Variants in HLA-DQB1 observed in about 807,000 individuals in gnomAD.
The protein encoded by HLA-DQB1 is HLA class II histocompatibility antigen, DQ beta 1 chain.
In HLA-DQB1, 13 loss-of-function variants were observed where a neutral mutation model predicts 26.4. That is an observed-to-expected ratio of 0.49 (90% CI 0.32 to 0.78). The LOEUF is 0.78. Among genes scored for constraint, HLA-DQB1 ranks in the 30% least tolerant of loss-of-function variants. HLA-DQB1 has a pLI of 0.03. For missense variants in HLA-DQB1, 158 were observed against 326.2 expected, an observed-to-expected ratio of 0.48 and a Z score of 3.97; for synonymous variants, 60 against 129.1, an observed-to-expected ratio of 0.46 and a Z score of 3.63.
Position 32,660,152 on chromosome 6 carries a change from C to T in HLA-DQB1, c.*84G>A, listed in dbSNP as rs1782843736. ...CTTTGATCTCAGGGGGACAAGCTGA[C>T]ACAGGCAGCTGGGAATTCTGGGCAG... On this transcript the variant is annotated 3_prime_UTR_variant, in exon 5 of 5. Coordinates refer to ENST00000434651, the Ensembl canonical transcript of HLA-DQB1. 9.2e-6 allele frequency: 6 copies of T among 653,634 alleles called. 2 individuals carry two copies. The highest frequency in any genetic ancestry group is 9.9e-6 in the Non-Finnish European group (4 of 404,586). The allele number at this position is 653,634 out of a possible 1,614,324, so 40.5% of individuals were successfully genotyped here.
At chr6:32,661,065 G>A (rs1782934454) in intron 4 of HLA-DQB1, among the ~76,000 whole-genome samples, 1 of 142,286 alleles carries the variant, frequency 7.0e-6, no homozygotes, top group African/African-American at 2.5e-5. Flanking sequence ...AAGAAAGGAA[G>A]CTGAGGCTCT....
chr6:32,666,411 T>C (rs67955939), intron 1 of HLA-DQB1, 88 bp downstream of exon 1: 107,664 of 473,686 alleles, frequency 0.23, 17,087 homozygotes, highest in South Asian at 0.28. Context: ...GTGTCCAAGA[T>C]CATAGAGATC....
intron 1 of HLA-DQB1, among the ~76,000 whole-genome samples, chr6:32,665,888 C>T (rs9274472): frequency 0.71 from 84,989 of 120,314 alleles, 32,714 homozygotes; most frequent in East Asian, 0.89. Context: ...CATCCTCCTT[C>T]CTACTAAATT....
chr6:32,661,763 G>T, intron 3 of HLA-DQB1: 1 of 531,800 alleles, frequency 1.9e-6, no homozygotes, highest in Non-Finnish European at 3.2e-6. Flanking sequence ...CAGAGCAACA[G>T]TATGTAGAGT....
chr6:32,662,598 C>A (rs9274173), intron 2 of HLA-DQB1: 40,810 of 59,874 alleles, frequency 0.68, 17,016 homozygotes, highest in Middle Eastern at 0.86. Context: ...AACAAATAAC[C>A]CTTGATCAAA....
chr6:32,663,414 C>CTA (rs9282142), intron 2 of HLA-DQB1: 1 of 131,982 alleles, frequency 7.6e-6, no homozygotes, highest in Non-Finnish European at 1.7e-5. Flanking sequence ...TTTTCAATGC[C>CTA]GCATTAACAC....
At chr6:32,665,256 CT>C (rs1783881442) in intron 1 of HLA-DQB1, among the ~76,000 whole-genome samples, 189 bp from the exon 2 acceptor site, 1 of 132,816 alleles carries the variant, frequency 7.5e-6, no homozygotes, top group Non-Finnish European at 1.6e-5. Flanking sequence ...TTGCGGGCTT[CT>C]GGAATCTGCC....
In HLA-DQB1 at chr6:32,665,314, T is replaced by A. The variant is rs67613268; in HGVS notation, c.110-247A>T. ...GGAAAGCCCTGTCCCTGCCTGAGCC[T>A]GTGAACCCAGCGAAGAGGCAGTCGG... On this transcript the variant is annotated intron_variant, in intron 1 of 4. Coordinates refer to ENST00000434651, the Ensembl canonical transcript of HLA-DQB1. 0.22 allele frequency among the ~76,000 whole-genome samples: 29,225 copies of A among 134,456 alleles called. 3,877 individuals carry two copies. Among genetic ancestry groups the A allele is most frequent in the South Asian group, 0.42 (1,758 of 4,156 alleles). The allele number at this position is 134,456 out of a possible 152,430, so 88.2% of individuals were successfully genotyped here. A position where few individuals can be genotyped will look rare whatever the true frequency, so the allele number is the denominator to read the frequency against.
At chr6:32,663,758 G>A (rs905766028) in intron 2 of HLA-DQB1, 2 of 85,980 alleles carry the variant, frequency 2.3e-5, no homozygotes, top group Non-Finnish European at 4.8e-5. Context: ...GTTTATTCCT[G>A]AAGTGGATAG....
intron 3 of HLA-DQB1, chr6:32,661,748 G>T (rs9273813): frequency 2.0e-6 from 1 of 491,374 alleles, no homozygotes. Flanking sequence ...ATCAGGACTG[G>T]GATTCAGAGC....
chr6:32,661,260 G>A (rs9273572), intron 4 of HLA-DQB1, 87 bp downstream of exon 4: 4 of 580,874 alleles, frequency 6.9e-6, no homozygotes, highest in Non-Finnish European at 1.1e-5. Context: ...AGGGTCAGGA[G>A]GAAAGAGCTA....
chr6:32,664,174 C>T lies in HLA-DQB1; in HGVS notation c.379+624G>A, dbSNP rs281862565. ...TCACACCACATACCAGTCAATGTGT[C>T]AGGTACCAGGCATGCAATAATTAAA... On this transcript the variant is annotated intron_variant, in intron 2 of 4. Coordinates refer to ENST00000434651, the Ensembl canonical transcript of HLA-DQB1. 2 of 73,062 alleles carry T rather than the reference C, an allele frequency of 2.7e-5. 1 individual carries two copies. Among genetic ancestry groups the T allele is most frequent in the Non-Finnish European group, 5.9e-5 (2 of 33,836 alleles). The allele number at this position is 73,062 out of a possible 1,614,324, so 4.5% of individuals were successfully genotyped here. A position where few individuals can be genotyped will look rare whatever the true frequency, so the allele number is the denominator to read the frequency against.
Position 32,665,618 on chromosome 6 carries a change from C to A in HLA-DQB1, c.110-551G>T. ...CTTCTATGTTGGAAAGGACCTACACCTCTGAGTCCTAGATAGAGACATTTA... is the reference window on the plus strand; with the variant it reads ...CTTCTATGTTGGAAAGGACCTACACATCTGAGTCCTAGATAGAGACATTTA... On this transcript the variant is annotated intron_variant, in intron 1 of 4. Coordinates refer to ENST00000434651, the Ensembl canonical transcript of HLA-DQB1. Among the ~76,000 whole-genome samples, 2 of 142,984 alleles carry A rather than the reference C, an allele frequency of 1.4e-5. 1 individual carries two copies. The highest frequency in any genetic ancestry group is 3.1e-5 in the Non-Finnish European group (2 of 65,256). The allele number at this position is 142,984 out of a possible 152,430, so 93.8% of individuals were successfully genotyped here. A position where few individuals can be genotyped will look rare whatever the true frequency, so the allele number is the denominator to read the frequency against.
At chr6:32,662,035 T>C in exon 3 of HLA-DQB1, 1 of 1,494,180 alleles carries the variant, frequency 6.7e-7, no homozygotes, top group Non-Finnish European at 9.2e-7. Flanking sequence ...ATCTCCACGC[T>C]GGGGAGTCAT....
chr6:32,666,568 G>A, exon 1 of HLA-DQB1: 1 of 1,196,448 alleles, frequency 8.4e-7, no homozygotes. Flanking sequence ...GTTGCTACCC[G>A]AAGGTCTCCG....
exon 5 of HLA-DQB1, chr6:32,660,174 G>T: frequency 2.7e-6 from 2 of 745,092 alleles, no homozygotes; most frequent in Non-Finnish European, 4.1e-6. Flanking sequence ...GGAATTCTGG[G>T]CAGGCATAAG....
chr6:32,661,470 A>AGC lies in HLA-DQB1; in HGVS notation c.662-14_662-13insGC. 5 of 858,144 alleles carry AGC rather than the reference A, an allele frequency of 5.8e-6. 1 individual carries two copies. Among genetic ancestry groups the AGC allele is most frequent in the Non-Finnish European group, 8.3e-6 (5 of 605,508 alleles). The allele number at this position is 858,144 out of a possible 1,614,324, so 53.2% of individuals were successfully genotyped here. A position where few individuals can be genotyped will look rare whatever the true frequency, so the allele number is the denominator to read the frequency against. On this transcript the variant is annotated splice_polypyrimidine_tract_variant and intron_variant, in intron 3 of 4. Coordinates refer to ENST00000434651, the Ensembl canonical transcript of HLA-DQB1. ...TCAGACTGAGCCCCTAAAGAGCAGA[A>AGC]CTGAGTGTCTGTGTTTGTCCCCACA...
At chr6:32,664,740 C>A in intron 2 of HLA-DQB1, 58 bp downstream of exon 2, 1 of 648,694 alleles carries the variant, frequency 1.5e-6, no homozygotes, top group Non-Finnish European at 2.2e-6. Context: ...CCCCTCCCGG[C>A]ACAGAAACTC....
intron 3 of HLA-DQB1, 50 bp from the exon 4 acceptor site, chr6:32,661,507 C>A (rs114262759): frequency 0.028 from 29,335 of 1,043,472 alleles, 5,427 homozygotes; most frequent in East Asian, 0.097. Flanking sequence ...CCCATAGCAT[C>A]CCTGCTGAGG....
Sources: gnomAD v4.1 joint callset for allele counts (sites outside exome capture counted in the v4.1 genomes callset) on GRCh38, gnomAD v4.1.1 for gene constraint, MANE v1.5 for transcripts, NCBI Gene and HGNC (gene_info 2026-07-23, HGNC 2026-07-21) for gene names.